PLXNC1: variants seen among roughly 807,000 people sequenced by gnomAD.
PLXNC1 encodes plexin-C1.
In PLXNC1, 75 loss-of-function variants were observed where a neutral mutation model predicts 178.2. That is an observed-to-expected ratio of 0.42 (90% CI 0.35 to 0.51). The LOEUF is 0.51. Ranked by LOEUF, PLXNC1 falls within the 20% of genes least tolerant of loss-of-function variation. The pLI is 0.02. For missense variants in PLXNC1, 1,503 were observed against 1,984.4 expected, an observed-to-expected ratio of 0.76 and a Z score of 4.61; for synonymous variants, 790 against 779.9, an observed-to-expected ratio of 1.01 and a Z score of -0.22.
At chr12:94,242,390 C>G (rs568413457) in intron 11 of PLXNC1, among the ~76,000 whole-genome samples, 1 of 148,844 alleles carries the variant, frequency 6.7e-6, no homozygotes, top group East Asian at 2.0e-4. Context: ...CTCACTGCAA[C>G]CTCCGCCTCC....
At chr12:94,238,937 T>G (rs1964309830) in intron 10 of PLXNC1, among the ~76,000 whole-genome samples, 1 of 152,250 alleles carries the variant, frequency 6.6e-6, no homozygotes, top group South Asian at 2.1e-4. Flanking sequence ...CTGTTTATCC[T>G]GGCTAAATAC....
intron 3 of PLXNC1, among the ~76,000 whole-genome samples, chr12:94,184,258 C>T (rs959037318): frequency 6.6e-6 from 1 of 151,400 alleles, no homozygotes. Flanking sequence ...GCTGGGACTA[C>T]AGTCACACGC....
chr12:94,253,211 GAAAAAAAAAAA>G (rs35584186), intron 15 of PLXNC1, among the ~76,000 whole-genome samples: 489 of 42,028 alleles, frequency 0.012, 12 homozygotes, highest in African/African-American at 0.028. Flanking sequence ...CTCCGTCTCA[GAAAAAAAAAAA>G]AAAAAAAAAA....
chr12:94,299,160 G>A (rs1968219677), intron 27 of PLXNC1, among the ~76,000 whole-genome samples: 1 of 152,100 alleles, frequency 6.6e-6, no homozygotes, highest in Non-Finnish European at 1.5e-5. Context: ...TTCCTAATCG[G>A]TTACTTTGCA....
At chr12:94,259,234 T>C in intron 17 of PLXNC1, 103 bp from the exon 18 acceptor site, 2 of 802,652 alleles carry the variant, frequency 2.5e-6, no homozygotes, top group Non-Finnish European at 4.1e-6. Flanking sequence ...GATTAGCAAA[T>C]AGTGTCTCTA....
intron 9 of PLXNC1, among the ~76,000 whole-genome samples, chr12:94,237,098 G>A (rs1964263777): frequency 6.6e-6 from 1 of 152,200 alleles, no homozygotes; most frequent in African/African-American, 2.4e-5. Context: ...GTTGGCCACA[G>A]TGGTTTAGAC....
intron 4 of PLXNC1, among the ~76,000 whole-genome samples, chr12:94,195,744 G>A (rs1190762700): frequency 6.6e-6 from 1 of 152,216 alleles, no homozygotes; most frequent in Non-Finnish European, 1.5e-5. Flanking sequence ...CCACGCATGA[G>A]ATCGTGAAAG....
Position 94,247,889 on chromosome 12 carries a change from T to C in PLXNC1, c.2389-14T>C, listed in dbSNP as rs1314660842. 1.2e-6 allele frequency: 2 copies of C among 1,611,740 alleles called. No homozygotes were observed. Among genetic ancestry groups the C allele is most frequent in the Non-Finnish European group, 1.7e-6 (2 of 1,178,564 alleles). ...TTAACAAAGTTACTAAAACATTCTTTTCTTTTTGTCCAGGTCTCTGAATAT... is the reference window on the plus strand; with the variant it reads ...TTAACAAAGTTACTAAAACATTCTTCTCTTTTTGTCCAGGTCTCTGAATAT... On this transcript the variant is annotated splice_polypyrimidine_tract_variant and intron_variant, in intron 12 of 30. Transcript: ENST00000258526.
Position 94,251,530 on chromosome 12 carries a change from T to A in PLXNC1, c.2881+2T>A. 6.4e-7 allele frequency: 1 copy of A among 1,572,564 alleles called. No individual in the cohort carries two copies. Among genetic ancestry groups the A allele is most frequent in the Non-Finnish European group, 8.8e-7 (1 of 1,142,098 alleles). On this transcript the variant is annotated splice_donor_variant, in intron 15 of 30. Transcript: ENST00000258526. LOFTEE classifies it high-confidence loss of function. ...TCTTGCTAGTGATTGTCATTTTTGGTAAGTGCCCTGTTTAATTTTGTCAGA... is the reference window on the plus strand; with the variant it reads ...TCTTGCTAGTGATTGTCATTTTTGGAAAGTGCCCTGTTTAATTTTGTCAGA...
intron 27 of PLXNC1, among the ~76,000 whole-genome samples, chr12:94,300,012 A>C (rs1056959534): frequency 1.3e-5 from 2 of 152,184 alleles, no homozygotes; most frequent in African/African-American, 4.8e-5. Context: ...TGGGGGAGGT[A>C]ATGAGCTAGG....
intron 9 of PLXNC1, among the ~76,000 whole-genome samples, chr12:94,233,124 G>A (rs1964150880): frequency 6.6e-6 from 1 of 152,200 alleles, no homozygotes; most frequent in Non-Finnish European, 1.5e-5. Context: ...TGTGGGAGGA[G>A]TGTATTAACC....
At chr12:94,251,918 G>A (rs543050650) in intron 15 of PLXNC1, among the ~76,000 whole-genome samples, 13 of 151,672 alleles carry the variant, frequency 8.6e-5, no homozygotes, top group East Asian at 7.8e-4. Flanking sequence ...GCTTGAACCC[G>A]GGAGGCGGAG....
chr12:94,260,074 T>C lies in PLXNC1; in HGVS notation c.3251+340T>C, dbSNP rs969801198. On this transcript the variant is annotated intron_variant, in intron 19 of 30. Transcript: ENST00000258526. This position sits in a 1 kb window ranked among gnomAD's most constrained non-coding sequence, Gnocchi z 4.4. ...CCACCCCAACACAATTTTTTTGTTG[T>C]TGTTGTTGGAGTCTCACTCTGTGGC... 2.0e-5 allele frequency among the ~76,000 whole-genome samples: 3 copies of C among 152,174 alleles called. No homozygotes were observed. Among genetic ancestry groups the C allele is most frequent in the African/African-American group, 7.2e-5 (3 of 41,428 alleles).
intron 2 of PLXNC1, among the ~76,000 whole-genome samples, chr12:94,170,949 G>A (rs10859680): frequency 0.64 from 96,985 of 152,078 alleles, 30,984 homozygotes; most frequent in South Asian, 0.71. Context: ...TTTGCCTGGC[G>A]GGAGTTTCCA....
chr12:94,283,873 C>G (rs1966636681), intron 23 of PLXNC1, among the ~76,000 whole-genome samples: 1 of 152,126 alleles, frequency 6.6e-6, no homozygotes, highest in Non-Finnish European at 1.5e-5. Flanking sequence ...CACCTGAGGT[C>G]AGGAGTCCAA....
intron 21 of PLXNC1, among the ~76,000 whole-genome samples, chr12:94,279,130 G>A (rs1011433471): frequency 6.6e-6 from 1 of 152,096 alleles, no homozygotes; most frequent in African/African-American, 2.4e-5. Context: ...CATCTACTGT[G>A]GAACCCTTCC....
intron 27 of PLXNC1, among the ~76,000 whole-genome samples, chr12:94,299,486 T>A (rs543058054): frequency 1.3e-5 from 2 of 152,280 alleles, no homozygotes; most frequent in African/African-American, 4.8e-5. Context: ...GAAGTTCCTC[T>A]AGGTCTAATC....
chr12:94,259,106 G>A (rs1964929145), intron 17 of PLXNC1, among the ~76,000 whole-genome samples: 1 of 152,180 alleles, frequency 6.6e-6, no homozygotes, highest in African/African-American at 2.4e-5. Context: ...TGGAACTAAT[G>A]CCATGATAAT....
intron 5 of PLXNC1, among the ~76,000 whole-genome samples, chr12:94,215,585 G>C (rs1194965308): frequency 2.1e-5 from 3 of 145,210 alleles, no homozygotes; most frequent in Admixed American, 6.8e-5. Flanking sequence ...TAGATAGATA[G>C]ATAGATATCA....
Sources: allele counts gnomAD v4.1 joint callset (sites outside exome capture counted in the v4.1 genomes callset), GRCh38; gene constraint gnomAD v4.1.1; non-coding constraint Gnocchi (gnomAD v3.1); transcripts MANE v1.5; gene names NCBI Gene and HGNC (gene_info 2026-07-23, HGNC 2026-07-21).